The following RASGRF1 variants were observed in gnomAD, a reference collection of about 807,000 sequenced individuals.
The protein encoded by RASGRF1 is ras-specific guanine nucleotide-releasing factor 1.
RASGRF1 carries 40 observed loss-of-function variants against 138.7 expected under a neutral mutation model. The observed-to-expected ratio is 0.29, with a 90% CI of 0.22 to 0.38. The LOEUF (loss-of-function observed/expected upper bound fraction) is 0.38. RASGRF1 is among the 10% of genes least tolerant of loss of function. RASGRF1 has a pLI of 1.00. For synonymous variants in RASGRF1, 614 were observed against 663.2 expected (o/e 0.93, Z 1.14); for missense variants, 1,108 against 1,650.4 (o/e 0.67, Z 5.69).
intron 14 of RASGRF1, among the ~76,000 whole-genome samples, chr15:79,004,380 T>C (rs945773551): frequency 6.6e-6 from 1 of 152,164 alleles, no homozygotes; most frequent in Non-Finnish European, 1.5e-5. Context: ...CTGGATGGTT[T>C]GGGCAGAGGA....
At position 78,984,685 on chromosome 15, in the gene RASGRF1, C is replaced by T. The variant is rs78264710; in HGVS notation, c.3414+322G>A. 1,763 of 366,052 alleles carry T rather than the reference C, an allele frequency of 4.8e-3. 31 individuals are homozygous for T. Among genetic ancestry groups the T allele is most frequent in the African/African-American group, 0.032 (1,520 of 48,144 alleles). The allele number at this position is 366,052 out of a possible 1,614,324, so 22.7% of individuals were successfully genotyped here. On this transcript the variant is annotated intron_variant, in intron 23 of 26. Coordinates refer to ENST00000558480, the MANE Select transcript of RASGRF1 (RefSeq NM_001145648.3). Reference sequence around the variant, plus strand: ...TCATCTGACCACTGTCTCAGCTGCCCTGCAGATCCCCATAAAGCCACCACT... The same window carrying T: ...TCATCTGACCACTGTCTCAGCTGCCTTGCAGATCCCCATAAAGCCACCACT...
intron 14 of RASGRF1, chr15:79,004,862 C>G (rs2056635569): frequency 1.0e-6 from 1 of 984,440 alleles, no homozygotes. Context: ...CACTGTTGCC[C>G]CAGGACGTAG....
intron 26 of RASGRF1, among the ~76,000 whole-genome samples, chr15:78,963,508 GC>G (rs989641089): frequency 6.6e-6 from 1 of 152,078 alleles, no homozygotes; most frequent in African/African-American, 2.4e-5. Flanking sequence ...TGCCATGTTG[GC>G]CAGGCTGGTC....
chr15:79,028,657 T>G (rs1227131567), intron 8 of RASGRF1, among the ~76,000 whole-genome samples: 1 of 152,056 alleles, frequency 6.6e-6, no homozygotes, highest in South Asian at 2.1e-4. Flanking sequence ...AGAGGGGAAT[T>G]TGGCAGTGGC....
At chr15:79,049,296 C>T (rs1254432593) in intron 4 of RASGRF1, among the ~76,000 whole-genome samples, 200 bp downstream of exon 4, 1 of 152,058 alleles carries the variant, frequency 6.6e-6, no homozygotes, top group Admixed American at 6.5e-5. Flanking sequence ...CACTCTGCCC[C>T]ATAGGGACAA....
intron 25 of RASGRF1, among the ~76,000 whole-genome samples, chr15:78,972,641 G>A (rs1490372216): frequency 6.6e-6 from 1 of 152,046 alleles, no homozygotes; most frequent in Non-Finnish European, 1.5e-5. Flanking sequence ...CTTCAGGATG[G>A]TGCCTGAAAA....
intron 26 of RASGRF1, among the ~76,000 whole-genome samples, chr15:78,970,186 A>C (rs964606592): frequency 1.3e-5 from 2 of 152,096 alleles, no homozygotes; most frequent in Non-Finnish European, 2.9e-5. Flanking sequence ...ACTGCACACT[A>C]GGAGGTTAAG....
Position 78,985,018 on chromosome 15 carries a change from C to T in RASGRF1, c.3403G>A (p.Val1135Ile), listed in dbSNP as rs2056119706. 11 of 1,614,010 alleles carry T rather than the reference C, an allele frequency of 6.8e-6. No individual in the cohort carries two copies. The highest frequency in any genetic ancestry group is 9.3e-6 in the Non-Finnish European group (11 of 1,179,964). The part of the protein sequence containing the change: ...IFRLKKTWLK[V>I]SKQTKALIDK... ...CCTCCTGCCCGCACCTGCTTAGAGA[C>T]TTTGAGCCACGTCTTTTTGAGCCGG... is the stretch of plus-strand genomic sequence containing the variant. Residue 1135 changes from valine to isoleucine, a missense_variant, in exon 23 of 27, where the codon GTC becomes ATC. Around this residue, in one of 3 missense-constraint regions of RASGRF1, gnomAD observed 686 missense variants for 976.7 expected, o/e 0.70. Coordinates refer to ENST00000558480, the MANE Select transcript of RASGRF1 (RefSeq NM_001145648.3).
At chr15:79,065,531 C>T (rs1316485840) in intron 1 of RASGRF1, among the ~76,000 whole-genome samples, 2 of 151,828 alleles carry the variant, frequency 1.3e-5, no homozygotes, top group African/African-American at 2.4e-5. Context: ...ATAGACTGGG[C>T]TGGGGCATTG....
chr15:79,053,035 G>A (rs1015979536), intron 3 of RASGRF1, among the ~76,000 whole-genome samples: 2 of 152,200 alleles, frequency 1.3e-5, no homozygotes, highest in Non-Finnish European at 2.9e-5. Flanking sequence ...GGGAGGCTGA[G>A]GCAGGTGATC....
At chr15:79,012,801 G>T (rs942180183) in intron 13 of RASGRF1, among the ~76,000 whole-genome samples, 2 of 152,182 alleles carry the variant, frequency 1.3e-5, no homozygotes, top group African/African-American at 4.8e-5. Flanking sequence ...TCTCGCCTCA[G>T]CCTTCTGAGT....
intron 10 of RASGRF1, among the ~76,000 whole-genome samples, chr15:79,024,062 TAC>T (rs1296166988): frequency 7.2e-6 from 1 of 138,876 alleles, no homozygotes; most frequent in Non-Finnish European, 1.6e-5. Flanking sequence ...CACATACACA[TAC>T]ACACACATAT....
intron 1 of RASGRF1, among the ~76,000 whole-genome samples, chr15:79,078,844 C>T (rs879288385): frequency 6.6e-6 from 1 of 152,254 alleles, no homozygotes. Flanking sequence ...CTAAGACATA[C>T]GTCACTCTGG....
intron 5 of RASGRF1, among the ~76,000 whole-genome samples, chr15:79,045,480 G>A (rs1323887066): frequency 6.6e-6 from 1 of 152,198 alleles, no homozygotes; most frequent in Non-Finnish European, 1.5e-5. Context: ...TGATCAACAT[G>A]TCTATTAAAA....
At chr15:78,980,273 T>C (rs533479460) in intron 24 of RASGRF1, 1 of 181,186 alleles carries the variant, frequency 5.5e-6, no homozygotes, top group East Asian at 1.4e-4. Flanking sequence ...AAACTGACGT[T>C]AAGACGTCTC....
intron 12 of RASGRF1, 33 bp from the exon 13 acceptor site, chr15:79,015,442 C>T: frequency 6.3e-7 from 1 of 1,582,304 alleles, no homozygotes; most frequent in African/African-American, 1.3e-5. Flanking sequence ...AGGGTCAGAG[C>T]TCTCCATTCC....
Position 79,090,631 on chromosome 15 carries a change from A to G in RASGRF1, c.-133T>C. On this transcript the variant is annotated 5_prime_UTR_variant, in exon 1 of 27. Transcript: ENST00000558480. ...CCCTCTAGCTCTCCCCTCCCCCCAA[A>G]TATCTACACTCCAGGATCTGGCGCC... The G allele has an allele frequency of 8.1e-7, 1 of 1,239,246 alleles. No individual in the cohort carries two copies. The highest frequency in any genetic ancestry group is 1.1e-6 in the Non-Finnish European group (1 of 891,394). 76.8% of individuals were successfully genotyped at this position (1,239,246 alleles called of 1,614,324 possible).
At position 79,038,434 on chromosome 15, in the gene RASGRF1, CT is replaced by C. The variant is rs1245910642; in HGVS notation, c.879-3225del. Among the ~76,000 whole-genome samples, 3 of 152,180 alleles carry C rather than the reference CT, an allele frequency of 2.0e-5. No individual in the cohort carries two copies. The East Asian group carries it at 5.8e-4, about 29-fold the overall frequency. ...AATTTAAAGAATTTCACTTGTAATC[CT>C]ACTACTCAGAAATTACTATCATTGC... On this transcript the variant is annotated intron_variant, in intron 5 of 26. Coordinates refer to ENST00000558480, the MANE Select transcript of RASGRF1 (RefSeq NM_001145648.3).
intron 25 of RASGRF1, 145 bp from the exon 26 acceptor site, chr15:78,972,079 G>T (rs1042880813): frequency 5.4e-6 from 4 of 738,154 alleles, no homozygotes; most frequent in Non-Finnish European, 9.8e-6. Flanking sequence ...GTCCCACGGA[G>T]GCATCATGTG....
Sources: gnomAD v4.1 joint callset for allele counts (sites outside exome capture counted in the v4.1 genomes callset) on GRCh38, gnomAD v4.1.1 for gene constraint, gnomAD v4.1.1 regional missense constraint, MANE v1.5 for transcripts, NCBI Gene and HGNC (gene_info 2026-07-23, HGNC 2026-07-21) for gene names.